Variants in ATL2 observed in about 807,000 individuals in gnomAD.
ATL2 encodes the protein atlastin-2.
In ATL2, 31 loss-of-function variants were observed where a neutral mutation model predicts 73.9. The observed-to-expected ratio is 0.42, with a 90% CI of 0.32 to 0.57. The LOEUF (loss-of-function observed/expected upper bound fraction) is 0.57, where lower values mean the gene tolerates loss of function less well. Ranked by LOEUF, ATL2 falls within the 20% of genes least tolerant of loss-of-function variation. The pLI is 0.14. For synonymous variants in ATL2, 291 were observed against 237.5 expected (o/e 1.23, Z -2.07); for missense variants, 738 against 702.6 (o/e 1.05, Z -0.57).
At position 38,309,424 on chromosome 2, in the gene ATL2, T is replaced by G; in HGVS notation, c.1026A>C (p.Ile342=). The G allele has an allele frequency of 6.2e-7, 1 of 1,612,354 alleles. No homozygotes were observed. The highest frequency in any genetic ancestry group is 8.5e-7 in the Non-Finnish European group (1 of 1,179,654). The change falls in exon 9 of 13, where the codon ATA becomes ATC. Residue 342 remains isoleucine (I), a synonymous_variant. Coordinates refer to ENST00000378954, the MANE Select transcript of ATL2 (RefSeq NM_001135673.4). The part of the protein sequence containing the change: ...LAPENLVEKE[I]SGSKVTCRDL... ...CTCTACAAGTGACTTTAGATCCACTTATCTCTTTTTCTACCAAATTTTCAG... is the reference window on the plus strand; with the variant it reads ...CTCTACAAGTGACTTTAGATCCACTGATCTCTTTTTCTACCAAATTTTCAG...
At chr2:38,371,759 G>C (rs1171943401) in intron 1 of ATL2, among the ~76,000 whole-genome samples, 1 of 151,908 alleles carries the variant, frequency 6.6e-6, no homozygotes, top group Non-Finnish European at 1.5e-5. Context: ...TTAGCTGGAC[G>C]TGGTGGCACG....
At chr2:38,362,536 C>A (rs1671071004) in intron 1 of ATL2, among the ~76,000 whole-genome samples, 1 of 152,182 alleles carries the variant, frequency 6.6e-6, no homozygotes, top group South Asian at 2.1e-4. Flanking sequence ...TCAGCTGATC[C>A]ATGGAGTCCA....
intron 12 of ATL2, chr2:38,296,647 G>GT (rs767735423): frequency 3.1e-6 from 5 of 1,593,918 alleles, no homozygotes; most frequent in Non-Finnish European, 3.4e-6. Context: ...AAGCTAAAGA[G>GT]TTTAAGACTA....
At chr2:38,319,279 G>T (rs1668191361) in intron 2 of ATL2, among the ~76,000 whole-genome samples, 2 of 152,072 alleles carry the variant, frequency 1.3e-5, no homozygotes, top group African/African-American at 4.8e-5. Flanking sequence ...AAATAAGTGG[G>T]GTTATACTCA....
intron 1 of ATL2, among the ~76,000 whole-genome samples, chr2:38,371,755 G>A (rs573900048): frequency 1.3e-5 from 2 of 152,090 alleles, no homozygotes; most frequent in African/African-American, 4.8e-5. Flanking sequence ...AAAATTAGCT[G>A]GACGTGGTGG....
At chr2:38,307,969 G>C (rs1385025861) in intron 9 of ATL2, among the ~76,000 whole-genome samples, 2 of 151,704 alleles carry the variant, frequency 1.3e-5, no homozygotes, top group African/African-American at 4.8e-5. Flanking sequence ...TGTTGGCAAG[G>C]ATGTAGAGAA....
chr2:38,309,879 A>G (rs1667653245), intron 8 of ATL2, among the ~76,000 whole-genome samples: 1 of 152,218 alleles, frequency 6.6e-6, no homozygotes. Context: ...TTTACCAGCC[A>G]TACTGTAAAA....
chr2:38,353,009 T>C (rs557055864), intron 1 of ATL2, among the ~76,000 whole-genome samples: 88 of 152,164 alleles, frequency 5.8e-4, no homozygotes, highest in African/African-American at 2.1e-3. Flanking sequence ...GAATCCAAAA[T>C]CTCTACAATG....
chr2:38,375,527 CACA>C (rs1427589199), intron 1 of ATL2, among the ~76,000 whole-genome samples: 1 of 152,110 alleles, frequency 6.6e-6, no homozygotes, highest in South Asian at 2.1e-4. Flanking sequence ...GATACCACAG[CACA>C]ACAACGTTCA....
chr2:38,358,534 C>CA (rs752254813), intron 1 of ATL2: 83 of 327,308 alleles, frequency 2.5e-4, no homozygotes, highest in Non-Finnish European at 3.5e-4. Context: ...ATTAAAAATA[C>CA]AAAAAAAGTA....
chr2:38,312,817 G>T (rs1667832238), intron 7 of ATL2, among the ~76,000 whole-genome samples: 1 of 151,878 alleles, frequency 6.6e-6, no homozygotes, highest in Admixed American at 6.6e-5. Context: ...GTGGAACTGT[G>T]AGTCAATTAA....
intron 1 of ATL2, among the ~76,000 whole-genome samples, chr2:38,367,606 A>ACC (rs1671410293): frequency 1.4e-5 from 2 of 147,606 alleles, no homozygotes; most frequent in South Asian, 2.1e-4. Flanking sequence ...AAAAAAAAAA[A>ACC]AAAAAAAAAA....
chr2:38,331,622 A>G (rs1446834237), intron 2 of ATL2, among the ~76,000 whole-genome samples: 1 of 151,238 alleles, frequency 6.6e-6, no homozygotes, highest in Non-Finnish European at 1.5e-5. Flanking sequence ...CAAAAAAAAA[A>G]AAAAAAAAAT....
At chr2:38,346,140 C>T (rs1168961533) in intron 1 of ATL2, among the ~76,000 whole-genome samples, 2 of 152,160 alleles carry the variant, frequency 1.3e-5, no homozygotes, top group Non-Finnish European at 2.9e-5. Flanking sequence ...GATACGTCTA[C>T]GTGTCTTTTA....
chr2:38,302,104 C>CTT, intron 9 of ATL2, among the ~76,000 whole-genome samples: 1 of 152,288 alleles, frequency 6.6e-6, no homozygotes, highest in Middle Eastern at 3.4e-3. Context: ...AACCCACTGT[C>CTT]TTGAGGGGTA....
intron 2 of ATL2, among the ~76,000 whole-genome samples, chr2:38,325,576 T>C (rs1181315593): frequency 1.3e-5 from 2 of 150,874 alleles, no homozygotes; most frequent in East Asian, 3.9e-4. Flanking sequence ...AAGTAACACT[T>C]TTTAAGTTCA....
At chr2:38,299,158 C>T (rs901947029) in intron 11 of ATL2, 98 bp downstream of exon 11, 3 of 1,168,778 alleles carry the variant, frequency 2.6e-6, no homozygotes, top group Non-Finnish European at 3.4e-6. Context: ...ATAAGCTGCA[C>T]AAATTCGCTC....
At chr2:38,377,361 G>T (rs1357903147), upstream of ATL2, 5 of 1,005,434 alleles carry the variant, frequency 5.0e-6, no homozygotes, top group African/African-American at 3.4e-5. Context: ...TCCTAGCGCC[G>T]CTCTCCGCCT....
At chr2:38,326,553 T>C (rs1668673068) in intron 2 of ATL2, among the ~76,000 whole-genome samples, 1 of 152,018 alleles carries the variant, frequency 6.6e-6, no homozygotes, top group African/African-American at 2.4e-5. Flanking sequence ...GCAGGATAAA[T>C]ACCAAAAAAA....
Sources: allele counts gnomAD v4.1 joint callset (sites outside exome capture counted in the v4.1 genomes callset), GRCh38; gene constraint gnomAD v4.1.1; transcripts MANE v1.5; gene names NCBI Gene and HGNC (gene_info 2026-07-23, HGNC 2026-07-21).